KIAA1328: variants seen among roughly 807,000 people sequenced by gnomAD.
The protein encoded by KIAA1328 is protein hinderin.
In KIAA1328, 52 loss-of-function variants were observed where a neutral mutation model predicts 68.1. The ratio of observed to expected loss-of-function variants is 0.76; its 90% CI spans 0.61 to 0.96. The LOEUF (loss-of-function observed/expected upper bound fraction) is 0.96, where lower values mean the gene tolerates loss of function less well. Among genes scored for constraint, KIAA1328 ranks in the 40% least tolerant of loss-of-function variants. The pLI is 0.00. For synonymous variants in KIAA1328, 232 were observed against 239.4 expected (o/e 0.97, Z 0.28); for missense variants, 641 against 677.6 (o/e 0.95, Z 0.60).
chr18:36,940,674 C>CTTTTT (rs1272164052), intron 5 of KIAA1328, among the ~76,000 whole-genome samples: 4 of 127,696 alleles, frequency 3.1e-5, no homozygotes, highest in Non-Finnish European at 3.3e-5. Context: ...GCTCATTTTA[C>CTTTTT]TTTTTTTTTT....
intron 6 of KIAA1328, among the ~76,000 whole-genome samples, chr18:37,015,633 A>G (rs1176970000): frequency 6.6e-6 from 1 of 152,114 alleles, no homozygotes; most frequent in Non-Finnish European, 1.5e-5. Context: ...ATCCATGAGC[A>G]TGGAATGTTT....
In KIAA1328 at chr18:37,224,558, T is replaced by C; in HGVS notation, c.*2331T>C. 1 of 969,318 alleles carries C rather than the reference T, an allele frequency of 1.0e-6. No homozygotes were observed. Among genetic ancestry groups the C allele is most frequent in the Non-Finnish European group, 1.2e-6 (1 of 815,282 alleles). 60.0% of individuals were successfully genotyped at this position (969,318 alleles called of 1,614,324 possible). A position where few individuals can be genotyped will look rare whatever the true frequency, so the allele number is the denominator to read the frequency against. ...ATAATCTAATGTCTTCATTATTAAT[T>C]GAATAGTACATGTTAACATTTTAAT... On this transcript the variant is annotated 3_prime_UTR_variant, in exon 10 of 10. Transcript: ENST00000280020.
Position 37,091,126 on chromosome 18 carries a change from A to G in KIAA1328, c.1232+23581A>G, listed in dbSNP as rs187228559. Among the ~76,000 whole-genome samples the G allele has an allele frequency of 3.5e-4, 53 of 152,330 alleles. No individual in the cohort carries two copies. The East Asian group carries it at 9.8e-3, about 28-fold the overall frequency. ...CTTCTGCAACTAATCAGGGAAAACA[A>G]AACACAAAAGAATAGTTCAAAATGA... On this transcript the variant is annotated intron_variant, in intron 7 of 9. Transcript: ENST00000280020.
intron 7 of KIAA1328, among the ~76,000 whole-genome samples, chr18:37,110,101 A>G (rs2057888141): frequency 6.6e-6 from 1 of 152,092 alleles, no homozygotes; most frequent in African/African-American, 2.4e-5. Flanking sequence ...CGAGGCTCCA[A>G]TAAATGGAGA....
chr18:37,125,737 G>A (rs1380728296), intron 7 of KIAA1328, among the ~76,000 whole-genome samples: 2 of 152,120 alleles, frequency 1.3e-5, no homozygotes, highest in African/African-American at 2.4e-5. Flanking sequence ...AATGCAGAGT[G>A]GTCCAAAATT....
chr18:37,041,953 G>A (rs1489514978), intron 6 of KIAA1328, among the ~76,000 whole-genome samples: 4 of 152,046 alleles, frequency 2.6e-5, no homozygotes, highest in Non-Finnish European at 4.4e-5. Flanking sequence ...GTGCAGTGGT[G>A]CAATCACAGC....
At chr18:36,956,342 G>C (rs1255770628) in intron 5 of KIAA1328, among the ~76,000 whole-genome samples, 2 of 152,118 alleles carry the variant, frequency 1.3e-5, no homozygotes, top group African/African-American at 4.8e-5. Flanking sequence ...GTCATGGTTT[G>C]GTGTACACTT....
intron 4 of KIAA1328, among the ~76,000 whole-genome samples, chr18:36,869,887 G>A (rs1178092845): frequency 6.6e-6 from 1 of 151,314 alleles, no homozygotes; most frequent in Non-Finnish European, 1.5e-5. Context: ...TTTTTGAGAC[G>A]GAGTCTCACT....
chr18:36,912,287 G>T (rs1365280301), intron 5 of KIAA1328, among the ~76,000 whole-genome samples: 1 of 152,080 alleles, frequency 6.6e-6, no homozygotes, highest in East Asian at 1.9e-4. Context: ...TACCCTTCTG[G>T]AGGCTCTAGG....
chr18:37,096,226 G>A (rs973772447), intron 7 of KIAA1328, among the ~76,000 whole-genome samples: 8 of 151,848 alleles, frequency 5.3e-5, no homozygotes, highest in South Asian at 2.1e-4. Flanking sequence ...ATCCCTCCCC[G>A]CTCCGCCCAC....
intron 6 of KIAA1328, among the ~76,000 whole-genome samples, chr18:36,965,533 G>C (rs2051889875): frequency 9.1e-6 from 1 of 110,028 alleles, no homozygotes; most frequent in South Asian, 3.4e-4. Flanking sequence ...ACCACGCCTG[G>C]CTAATTTTTG....
chr18:36,999,891 A>G (rs1489749911), intron 6 of KIAA1328, among the ~76,000 whole-genome samples: 1 of 152,000 alleles, frequency 6.6e-6, no homozygotes, highest in Non-Finnish European at 1.5e-5. Context: ...AACAAATGAT[A>G]CCACCACCGA....
chr18:37,164,909 G>A (rs564929770), intron 8 of KIAA1328, among the ~76,000 whole-genome samples: 111 of 152,156 alleles, frequency 7.3e-4, no homozygotes, highest in African/African-American at 2.4e-3. Flanking sequence ...ATGTACACCC[G>A]TGTAACCACT....
At chr18:36,975,465 A>C (rs921144002) in intron 6 of KIAA1328, among the ~76,000 whole-genome samples, 2 of 152,110 alleles carry the variant, frequency 1.3e-5, no homozygotes, top group Non-Finnish European at 2.9e-5. Flanking sequence ...TACAGGCGTG[A>C]GCCACCGCGC....
chr18:37,146,294 A>C (rs2058898074), intron 7 of KIAA1328, among the ~76,000 whole-genome samples: 1 of 151,796 alleles, frequency 6.6e-6, no homozygotes, highest in African/African-American at 2.4e-5. Context: ...CTTTGTGTCC[A>C]TGTGTTCTCA....
intron 5 of KIAA1328, among the ~76,000 whole-genome samples, chr18:36,923,330 A>G (rs1411526271): frequency 6.6e-6 from 1 of 152,186 alleles, no homozygotes; most frequent in Non-Finnish European, 1.5e-5. Context: ...CAATGAAACA[A>G]ACAACAGAAA....
At chr18:36,829,423 C>T in intron 1 of KIAA1328, 2 of 1,329,506 alleles carry the variant, frequency 1.5e-6, no homozygotes, top group South Asian at 2.1e-5. Context: ...TCAGATGCTT[C>T]CCAGCGCTCA....
chr18:36,884,995 A>T (rs1159446502), intron 4 of KIAA1328, among the ~76,000 whole-genome samples: 1 of 152,058 alleles, frequency 6.6e-6, no homozygotes, highest in African/African-American at 2.4e-5. Flanking sequence ...CTAAGAATAC[A>T]TGTACTGCAA....
chr18:37,100,306 C>T (rs538052013), intron 7 of KIAA1328, among the ~76,000 whole-genome samples: 6 of 152,288 alleles, frequency 3.9e-5, no homozygotes, highest in East Asian at 3.9e-4. Flanking sequence ...CCTGGAAAAT[C>T]GGGTCACTCC....
Sources: gnomAD v4.1 joint callset for allele counts (sites outside exome capture counted in the v4.1 genomes callset) on GRCh38, gnomAD v4.1.1 for gene constraint, MANE v1.5 for transcripts, NCBI Gene and HGNC (gene_info 2026-07-23, HGNC 2026-07-21) for gene names.